The following L3MBTL4 variants were observed in gnomAD, a reference collection of about 807,000 sequenced individuals.
L3MBTL4 encodes the protein lethal(3)malignant brain tumor-like protein 4.
In L3MBTL4, 70 loss-of-function variants were observed where a neutral mutation model predicts 84.5. That is an observed-to-expected ratio of 0.83 (90% CI 0.68 to 1.01). The LOEUF (loss-of-function observed/expected upper bound fraction) is 1.01. Ranked by LOEUF, L3MBTL4 falls within the 50% of genes least tolerant of loss-of-function variation. L3MBTL4 has a pLI of 0.00. For synonymous variants in L3MBTL4, 274 were observed against 259.8 expected, an observed-to-expected ratio of 1.05 and a Z score of -0.52; for missense variants, 715 against 754.8, an observed-to-expected ratio of 0.95 and a Z score of 0.62.
chr18:6,362,163 G>A (rs552742878), intron 1 of L3MBTL4, among the ~76,000 whole-genome samples: 1 of 113,150 alleles, frequency 8.8e-6, no homozygotes, highest in Non-Finnish European at 1.7e-5. Context: ...GGGAAGAGAA[G>A]GAAGGAAAGA....
chr18:6,043,258 T>G (rs541088), intron 16 of L3MBTL4, among the ~76,000 whole-genome samples: 8,307 of 152,170 alleles, frequency 0.055, 746 homozygotes, highest in African/African-American at 0.19. Context: ...TCTCCCTGCT[T>G]TAAACTTGTG....
intron 3 of L3MBTL4, among the ~76,000 whole-genome samples, chr18:6,306,256 T>C (rs5001220): frequency 0.19 from 28,872 of 152,164 alleles, 2,881 homozygotes; most frequent in African/African-American, 0.23. Context: ...GTAAAGAAAT[T>C]TGTGGGACTT....
chr18:6,318,371 G>T (rs1244037618), intron 1 of L3MBTL4, among the ~76,000 whole-genome samples: 7 of 151,482 alleles, frequency 4.6e-5, no homozygotes, highest in Admixed American at 4.6e-4. Context: ...CACTTAATAT[G>T]TAAAGATTCA....
chr18:5,977,091 C>T lies in L3MBTL4; in HGVS notation c.1445-7529G>A, dbSNP rs140858953. On this transcript the variant is annotated intron_variant, in intron 16 of 18. Coordinates refer to ENST00000317931, the MANE Select transcript of L3MBTL4 (RefSeq NM_001330559.2). The stretch of plus-strand genomic sequence containing the variant: ...ACAACAGCTCTCAATGGGTAACCTT[C>T]CCACCTCAGTCCTGCTCCCTCATCC... Among the ~76,000 whole-genome samples the T allele has an allele frequency of 6.5e-3, 991 of 152,266 alleles. 4 individuals carry two copies. The highest frequency in any genetic ancestry group is 0.044 in the Middle Eastern group (13 of 294).
At chr18:6,000,983 G>A (rs528410356) in intron 16 of L3MBTL4, among the ~76,000 whole-genome samples, 1 of 152,324 alleles carries the variant, frequency 6.6e-6, no homozygotes, top group Non-Finnish European at 1.5e-5. Context: ...AGCTTAGATG[G>A]TGGTAAATCA....
At chr18:6,186,810 G>A (rs930294927) in intron 12 of L3MBTL4, among the ~76,000 whole-genome samples, 9 of 152,228 alleles carry the variant, frequency 5.9e-5, no homozygotes, top group African/African-American at 2.2e-4. Context: ...AAGTGCTCTA[G>A]GCAGGGAAGC....
intron 14 of L3MBTL4, among the ~76,000 whole-genome samples, chr18:6,122,143 G>A (rs1266102751): frequency 6.6e-6 from 1 of 152,096 alleles, no homozygotes; most frequent in East Asian, 1.9e-4. Flanking sequence ...GCTGCTCTGT[G>A]TATTAAATAA....
intron 1 of L3MBTL4, among the ~76,000 whole-genome samples, chr18:6,374,084 C>T (rs1197005894): frequency 1.3e-5 from 2 of 152,208 alleles, no homozygotes; most frequent in East Asian, 1.9e-4. Context: ...TGGTTGCCCA[C>T]ATTTCCCCTG....
At chr18:6,257,416 C>T (rs2146304612) in intron 5 of L3MBTL4, among the ~76,000 whole-genome samples, 1 of 151,524 alleles carries the variant, frequency 6.6e-6, no homozygotes, top group African/African-American at 2.4e-5. Context: ...GATGAACTGA[C>T]CCAAAGGTCA....
rs1363721138 is a variant in L3MBTL4 at position 6,003,418 on chromosome 18, A to G, written c.1445-33856T>C. On this transcript the variant is annotated intron_variant, in intron 16 of 18. Transcript: ENST00000317931. ...CAGAATACAGGACACAAAAATGAAC[A>G]TAACTGAAAAGATAAATAGACTATT... Among the ~76,000 whole-genome samples, 10 of 152,066 alleles carry G rather than the reference A, an allele frequency of 6.6e-5. No individual in the cohort carries two copies. In the East Asian group the frequency reaches 1.4e-3, roughly 21 times the overall value.
intron 4 of L3MBTL4, among the ~76,000 whole-genome samples, chr18:6,295,346 C>CTCTCTATATATATATATATA (rs1261475809): frequency 1.2e-5 from 1 of 81,376 alleles, no homozygotes; most frequent in African/African-American, 6.6e-5. Flanking sequence ...CTCTCTCTCT[C>CTCTCTATATATATATATATA]TATATATATA....
intron 13 of L3MBTL4, among the ~76,000 whole-genome samples, chr18:6,142,836 C>G (rs1665641337): frequency 6.6e-6 from 1 of 152,108 alleles, no homozygotes; most frequent in Admixed American, 6.5e-5. Context: ...ATGGGAGGAT[C>G]TCTTGAGCCC....
intron 16 of L3MBTL4, among the ~76,000 whole-genome samples, chr18:6,076,417 C>A (rs1377890298): frequency 6.6e-6 from 1 of 152,090 alleles, no homozygotes; most frequent in Non-Finnish European, 1.5e-5. Flanking sequence ...TGAGAGTGAG[C>A]AAAATCAGAA....
intron 16 of L3MBTL4, among the ~76,000 whole-genome samples, chr18:6,043,410 C>A (rs1218227705): frequency 6.6e-6 from 1 of 152,182 alleles, no homozygotes; most frequent in African/African-American, 2.4e-5. Flanking sequence ...CCTTGACAGG[C>A]CATGCATGCT....
intron 1 of L3MBTL4, among the ~76,000 whole-genome samples, chr18:6,378,089 C>T (rs1289342138): frequency 6.6e-6 from 1 of 152,084 alleles, no homozygotes; most frequent in East Asian, 1.9e-4. Context: ...GAGCATTTTT[C>T]ATGTTTGTTG....
intron 1 of L3MBTL4, among the ~76,000 whole-genome samples, chr18:6,328,472 A>C (rs956519954): frequency 3.3e-5 from 5 of 152,222 alleles, no homozygotes; most frequent in African/African-American, 1.2e-4. Context: ...CACACCACTA[A>C]GCACTGTTCA....
rs2049657467 is a variant in L3MBTL4 at position 6,287,656 on chromosome 18, G to C, written c.127+14247C>G. Among the ~76,000 whole-genome samples, 9 of 152,206 alleles carry C rather than the reference G, an allele frequency of 5.9e-5. No homozygotes were observed. The South Asian group carries it at 1.9e-3, about 31-fold the overall frequency. ...ACATTCTTATCTTCAAGGACAAAGA[G>C]TCAAGACCAAGAAAATACTATGCAG... On this transcript the variant is annotated intron_variant, in intron 4 of 18. Transcript: ENST00000317931.
chr18:6,007,034 G>T (rs79883027), intron 16 of L3MBTL4, among the ~76,000 whole-genome samples: 2,847 of 152,132 alleles, frequency 0.019, 99 homozygotes, highest in African/African-American at 0.065. Context: ...GCATGGAAAA[G>T]ATCTCTCTAT....
intron 1 of L3MBTL4, among the ~76,000 whole-genome samples, chr18:6,382,139 G>A (rs2054617470): frequency 6.6e-6 from 1 of 152,054 alleles, no homozygotes; most frequent in Non-Finnish European, 1.5e-5. Context: ...TGATACTTGT[G>A]TATGCTTCAC....
Sources: gnomAD v4.1 joint callset for allele counts (sites outside exome capture counted in the v4.1 genomes callset) on GRCh38, gnomAD v4.1.1 for gene constraint, MANE v1.5 for transcripts, NCBI Gene and HGNC (gene_info 2026-07-23, HGNC 2026-07-21) for gene names.